GPAM: variants seen among roughly 807,000 people sequenced by gnomAD.
The protein encoded by GPAM is glycerol-3-phosphate acyltransferase, mitochondrial.
In GPAM, 56 loss-of-function variants were observed where a neutral mutation model predicts 105.0. That is an observed-to-expected ratio of 0.53 (90% CI 0.43 to 0.67). The LOEUF (loss-of-function observed/expected upper bound fraction) is 0.67. Among genes scored for constraint, GPAM ranks in the 30% least tolerant of loss-of-function variants. The pLI, the probability that GPAM is intolerant of heterozygous loss-of-function variation, is 0.00. For synonymous variants in GPAM, 368 were observed against 354.4 expected (o/e 1.04, Z -0.43); for missense variants, 855 against 989.8 (o/e 0.86, Z 1.83).
intron 9 of GPAM, among the ~76,000 whole-genome samples, chr10:112,170,785 A>G (rs1419605145): frequency 6.6e-6 from 1 of 152,208 alleles, no homozygotes; most frequent in Non-Finnish European, 1.5e-5. Flanking sequence ...ATTATCCATT[A>G]AGCTATGTGA....
rs1263327425 is a variant in GPAM at position 112,212,600 on chromosome 10, A to G, written n.210+2568T>C. ...TTAATAACAGAAACCAGTCATCAGG[A>G]TGCAGTGAACCCAAAGCTTAGGGTC... On this transcript the variant is annotated intron_variant and non_coding_transcript_variant, in intron 1 of 3. Transcript: ENST00000480130. 3.3e-5 allele frequency among the ~76,000 whole-genome samples: 5 copies of G among 152,144 alleles called. No homozygotes were observed. The East Asian group carries it at 9.7e-4, about 29-fold the overall frequency.
At chr10:112,185,571 G>C (rs66851955), upstream of GPAM, among the ~76,000 whole-genome samples, 2 of 143,590 alleles carry the variant, frequency 1.4e-5, no homozygotes, top group African/African-American at 2.6e-5. Flanking sequence ...CACACACACA[G>C]ACACACACAC....
intron 5 of GPAM, 25 bp from the exon 6 acceptor site, chr10:112,175,738 G>T: frequency 1.5e-6 from 2 of 1,370,346 alleles, no homozygotes; most frequent in Non-Finnish European, 2.1e-6. Flanking sequence ...TAGCAGAGAA[G>T]TATTAGAGGT....
At chr10:112,170,570 C>G (rs1234996208) in intron 9 of GPAM, among the ~76,000 whole-genome samples, 2 of 152,210 alleles carry the variant, frequency 1.3e-5, no homozygotes, top group African/African-American at 2.4e-5. Context: ...AGCAAGGCTT[C>G]TCTAGAGCCC....
chr10:112,193,694 A>C (rs750468877), intron 1 of GPAM, among the ~76,000 whole-genome samples: 5 of 152,228 alleles, frequency 3.3e-5, no homozygotes, highest in Non-Finnish European at 7.3e-5. Context: ...CAGCTAGCCT[A>C]GGCAAGAACA....
At chr10:112,219,561 C>T (rs574316050), upstream of GPAM, among the ~76,000 whole-genome samples, 4 of 152,182 alleles carry the variant, frequency 2.6e-5, no homozygotes, top group Non-Finnish European at 4.4e-5. Context: ...ACTCCAAAAT[C>T]CATAATTTTT....
intron 1 of GPAM, among the ~76,000 whole-genome samples, chr10:112,202,217 TA>T (rs1221728183): frequency 6.6e-6 from 1 of 152,238 alleles, no homozygotes; most frequent in Non-Finnish European, 1.5e-5. Context: ...TTTTGTAGCA[TA>T]AAAGCAGCCT....
At chr10:112,196,054 C>A (rs1847720110) in intron 1 of GPAM, among the ~76,000 whole-genome samples, 1 of 152,098 alleles carries the variant, frequency 6.6e-6, no homozygotes, top group South Asian at 2.1e-4. Context: ...CTACACAGAA[C>A]AGAATGCCAC....
Position 112,151,011 on chromosome 10 carries a change from T to A in GPAM, c.*2539A>T, listed in dbSNP as rs1305970891. ...TTTCCCACTAGTTTTTGCCTTTGTTTTTCATGCATTTTCAGAGTGCACAAC... is the reference window on the plus strand; with the variant it reads ...TTTCCCACTAGTTTTTGCCTTTGTTATTCATGCATTTTCAGAGTGCACAAC... On this transcript the variant is annotated 3_prime_UTR_variant, in exon 22 of 22. Coordinates refer to ENST00000348367, the MANE Select transcript of GPAM (RefSeq NM_001244949.2). 1.0e-6 allele frequency: 1 copy of A among 985,732 alleles called. No individual in the cohort carries two copies. Among genetic ancestry groups the A allele is most frequent in the Non-Finnish European group, 1.2e-6 (1 of 829,918 alleles). 61.1% of individuals were successfully genotyped at this position (985,732 alleles called of 1,614,324 possible). A position where few individuals can be genotyped will look rare whatever the true frequency, so the allele number is the denominator to read the frequency against.
At chr10:112,199,936 G>A (rs1448801169) in intron 1 of GPAM, among the ~76,000 whole-genome samples, 1 of 151,886 alleles carries the variant, frequency 6.6e-6, no homozygotes. Context: ...TTTGGGTGGG[G>A]ACACAGCCAA....
intron 5 of GPAM, among the ~76,000 whole-genome samples, chr10:112,176,064 TA>T (rs2133259184): frequency 6.6e-6 from 1 of 152,340 alleles, no homozygotes; most frequent in Non-Finnish European, 1.5e-5. Flanking sequence ...TCTATTCTGA[TA>T]AACCATACAG....
upstream of GPAM, among the ~76,000 whole-genome samples, chr10:112,216,257 G>T (rs1327977537): frequency 6.6e-6 from 1 of 152,242 alleles, no homozygotes; most frequent in Non-Finnish European, 1.5e-5. Flanking sequence ...TCGTTCAACA[G>T]TTATTTATTT....
chr10:112,166,289 G>A (rs1483530827), intron 12 of GPAM, 113 bp downstream of exon 12: 2 of 743,094 alleles, frequency 2.7e-6, no homozygotes, highest in African/African-American at 3.5e-5. Context: ...CATTTTACAG[G>A]AGAGCAAACT....
At chr10:112,207,953 C>G (rs1411073488) in intron 1 of GPAM, among the ~76,000 whole-genome samples, 1 of 152,172 alleles carries the variant, frequency 6.6e-6, no homozygotes, top group Non-Finnish European at 1.5e-5. Flanking sequence ...CAATGTTTAA[C>G]ACAGGAACAT....
rs1471350346 is a variant in GPAM, at chr10:112,160,782, T to G, written c.1581A>C (p.Gly527=). The change falls in exon 16 of 22, where the codon GGA becomes GGC. Residue 527 remains glycine, a synonymous_variant. Coordinates refer to ENST00000348367, the MANE Select transcript of GPAM (RefSeq NM_001244949.2). ...CATGCATTACTACATCTTCTGAATT[T>G]CCTGAGAACCCCAGGTCAAAATCAC... The part of the protein sequence containing the change: ...LARDFDLGFS[G]NSEDVVMHAI... 6.2e-7 allele frequency: 1 copy of G among 1,613,996 alleles called. No homozygotes were observed. The highest frequency in any genetic ancestry group is 1.3e-5 in the African/African-American group (1 of 74,938).
chr10:112,184,070 C>T (rs1322417211), upstream of GPAM, among the ~76,000 whole-genome samples: 1 of 152,138 alleles, frequency 6.6e-6, no homozygotes, highest in African/African-American at 2.4e-5. Flanking sequence ...CGTGGGCTAT[C>T]AGGTTATGTG....
intron 1 of GPAM, among the ~76,000 whole-genome samples, chr10:112,203,548 A>G (rs1393738164): frequency 6.6e-6 from 1 of 152,174 alleles, no homozygotes; most frequent in Non-Finnish European, 1.5e-5. Flanking sequence ...TAACAGAATG[A>G]GTCAACCTCA....
rs559950666 is a variant in GPAM, at chr10:112,153,197, A to G, written c.*353T>C. ...ACCATGTAAGATTCAGTTCCAGAACACAGCTACATTTCTGTGTCCATCACA... is the reference window on the plus strand; with the variant it reads ...ACCATGTAAGATTCAGTTCCAGAACGCAGCTACATTTCTGTGTCCATCACA... On this transcript the variant is annotated 3_prime_UTR_variant, in exon 22 of 22. Coordinates refer to ENST00000348367, the MANE Select transcript of GPAM (RefSeq NM_001244949.2). 4 of 1,128,130 alleles carry G rather than the reference A, an allele frequency of 3.5e-6. No individual in the cohort carries two copies. The African/African-American group carries it at 6.4e-5, about 18-fold the overall frequency. 69.9% of individuals were successfully genotyped at this position (1,128,130 alleles called of 1,614,324 possible). A position where few individuals can be genotyped will look rare whatever the true frequency, so the allele number is the denominator to read the frequency against.
the GPAM span, among the ~76,000 whole-genome samples, chr10:112,220,810 T>C: frequency 3.3e-5 from 5 of 152,012 alleles, no homozygotes; most frequent in Middle Eastern, 3.2e-3. Flanking sequence ...TAAACCCATC[T>C]TTGATTTGGC....
Sources: allele counts gnomAD v4.1 joint callset (sites outside exome capture counted in the v4.1 genomes callset), GRCh38; gene constraint gnomAD v4.1.1; transcripts MANE v1.5; gene names NCBI Gene and HGNC (gene_info 2026-07-23, HGNC 2026-07-21).